The following PBX4 variants were observed in gnomAD, a reference collection of about 807,000 sequenced individuals.
The protein encoded by PBX4 is PBX homeobox 4, also known as pre-B-cell leukemia transcription factor 4.
Under a neutral mutation model 35.1 loss-of-function variants are expected in PBX4, and 26 were observed. The observed-to-expected ratio is 0.74, with a 90% CI of 0.54 to 1.03. The LOEUF (loss-of-function observed/expected upper bound fraction) is 1.03. Among genes scored for constraint, PBX4 ranks in the 50% least tolerant of loss-of-function variants. The pLI, the probability that PBX4 is intolerant of heterozygous loss-of-function variation, is 0.00. For missense variants in PBX4, 448 were observed against 504.3 expected, an observed-to-expected ratio of 0.89 and a Z score of 1.07; for synonymous variants, 199 against 204.2, an observed-to-expected ratio of 0.97 and a Z score of 0.22.
Position 19,594,106 on chromosome 19 carries a change from A to AAAAT in PBX4, c.193+5185_193+5186insATTT, listed in dbSNP as rs376246400. Among the ~76,000 whole-genome samples the AAAAT allele has an allele frequency of 9.6e-5, 14 of 145,256 alleles. 3 individuals carry two copies. The highest frequency in any genetic ancestry group is 6.6e-4 in the South Asian group (3 of 4,578). ...AATTAAAAAAAAAAAAAAATAAAAA[A>AAAAT]TAAAAAATTAAAAATGTCGCCGGGC... On this transcript the variant is annotated intron_variant, in intron 2 of 7. Coordinates refer to ENST00000251203, the MANE Select transcript of PBX4 (RefSeq NM_025245.3).
rs138378053 is a variant in PBX4 at position 19,604,438 on chromosome 19, G to A, written c.120-5073C>T. 2.9e-3 allele frequency among the ~76,000 whole-genome samples: 334 copies of A among 114,684 alleles called. 2 individuals are homozygous for A. Among genetic ancestry groups the A allele is most frequent in the Non-Finnish European group, 4.6e-3 (281 of 61,352 alleles). The allele number at this position is 114,684 out of a possible 152,430, so 75.2% of individuals were successfully genotyped here. On this transcript the variant is annotated intron_variant, in intron 1 of 7. Transcript: ENST00000251203. ...GACAAGATCACATCACTGCACTCCCGTCTGGGCAACAGAGCGAGATTCCAT... is the reference window on the plus strand; with the variant it reads ...GACAAGATCACATCACTGCACTCCCATCTGGGCAACAGAGCGAGATTCCAT...
chr19:19,585,261 G>T (rs1228545076), intron 2 of PBX4, among the ~76,000 whole-genome samples: 6 of 151,812 alleles, frequency 4.0e-5, no homozygotes, highest in Non-Finnish European at 7.4e-5. Context: ...GGAGGCAGAG[G>T]TTGAGGTGAG....
At chr19:19,579,002 C>T (rs982070184) in intron 2 of PBX4, among the ~76,000 whole-genome samples, 4 of 152,164 alleles carry the variant, frequency 2.6e-5, no homozygotes, top group South Asian at 2.1e-4. Context: ...CCAGCACCTT[C>T]GTCTGGGACT....
chr19:19,598,057 CAA>C (rs751079640), intron 2 of PBX4, among the ~76,000 whole-genome samples: 14 of 152,002 alleles, frequency 9.2e-5, no homozygotes, highest in Non-Finnish European at 2.9e-5. Context: ...CACAGGAGAC[CAA>C]AGAGACATGA....
At chr19:19,599,844 C>T (rs1568394851) in intron 1 of PBX4, among the ~76,000 whole-genome samples, 1 of 148,078 alleles carries the variant, frequency 6.8e-6, no homozygotes, top group Non-Finnish European at 1.5e-5. Flanking sequence ...ATGGTGGTGC[C>T]CACCTGTAAT....
At position 19,561,997 on chromosome 19, in the gene PBX4, A is replaced by C; in HGVS notation, c.*28T>G. On this transcript the variant is annotated 3_prime_UTR_variant, in exon 8 of 8. Coordinates refer to ENST00000251203, the MANE Select transcript of PBX4 (RefSeq NM_025245.3). ...GCTGGCGATACATGGCAGCTCACGC[A>C]GCGCTCTTTCCTGCTTATCCCCCAA... The C allele has an allele frequency of 6.3e-7, 1 of 1,582,094 alleles. No individual in the cohort carries two copies. Among genetic ancestry groups the C allele is most frequent in the Non-Finnish European group, 8.7e-7 (1 of 1,155,628 alleles).
intron 5 of PBX4, 94 bp from the exon 6 acceptor site, chr19:19,565,183 C>A: frequency 6.7e-7 from 1 of 1,489,638 alleles, no homozygotes; most frequent in Non-Finnish European, 9.3e-7. Context: ...GTTGCTCCCA[C>A]TGCCTTAGAA....
chr19:19,572,676 C>G (rs372495171), intron 2 of PBX4, among the ~76,000 whole-genome samples: 7 of 150,522 alleles, frequency 4.7e-5, no homozygotes, highest in African/African-American at 1.5e-4. Flanking sequence ...ACCAGCCCAG[C>G]CAACGTGGAG....
At chr19:19,615,795 C>T (rs1179112742) in intron 1 of PBX4, among the ~76,000 whole-genome samples, 1 of 152,106 alleles carries the variant, frequency 6.6e-6, no homozygotes, top group African/African-American at 2.4e-5. Flanking sequence ...GAAGCTGAGG[C>T]AGGAGAATCG....
intron 1 of PBX4, among the ~76,000 whole-genome samples, chr19:19,614,403 G>A (rs2061678024): frequency 6.6e-6 from 1 of 151,072 alleles, no homozygotes; most frequent in African/African-American, 2.4e-5. Context: ...AGAGGCCAAG[G>A]CGGGTAGATC....
chr19:19,599,072 G>A (rs960681032), intron 2 of PBX4, among the ~76,000 whole-genome samples: 2 of 151,960 alleles, frequency 1.3e-5, no homozygotes, highest in African/African-American at 4.8e-5. Context: ...AGGTTCAAGC[G>A]ATTCTCCTAC....
intron 1 of PBX4, among the ~76,000 whole-genome samples, chr19:19,610,843 G>A (rs140300913): frequency 3.9e-5 from 6 of 152,310 alleles, no homozygotes; most frequent in African/African-American, 9.6e-5. Context: ...GTCAAGCTAA[G>A]CCTGCAAGCA....
In PBX4 at chr19:19,565,051, T is replaced by A. The variant is rs1395916029; in HGVS notation, c.807A>T (p.Lys269Asn). The change falls in exon 6 of 8, where the codon AAA (lysine) becomes AAT (asparagine). Residue 269 changes from lysine to asparagine, a missense_variant. By Grantham distance (94) the Lys-to-Asn change is moderately conservative. Transcript: ENST00000251203. The part of the protein sequence containing the change: ...NWFGNKRIRY[K>N]KNMGKFQEEA... Reference sequence around the variant, plus strand: ...CTTCTTGAAACTTCCCCATGTTCTTTTTATACCGGATTCTTTTGTTGCCAA... The same window carrying A: ...CTTCTTGAAACTTCCCCATGTTCTTATTATACCGGATTCTTTTGTTGCCAA... 4 of 1,614,194 alleles carry A rather than the reference T, an allele frequency of 2.5e-6. No homozygotes were observed. Among genetic ancestry groups the A allele is most frequent in the Non-Finnish European group, 2.5e-6 (3 of 1,180,040 alleles).
chr19:19,615,265 T>G (rs1306943737), intron 1 of PBX4, among the ~76,000 whole-genome samples: 2 of 150,206 alleles, frequency 1.3e-5, no homozygotes, highest in Non-Finnish European at 2.9e-5. Flanking sequence ...GAAGATTGCT[T>G]GGGCCCAGAA....
chr19:19,564,742 A>G (rs558710120), intron 6 of PBX4, 191 bp downstream of exon 6: 458 of 695,206 alleles, frequency 6.6e-4, no homozygotes, highest in Non-Finnish European at 9.7e-4. Flanking sequence ...TCTGTCCCCA[A>G]AGCACAGGTA....
At chr19:19,574,264 A>G (rs781344168) in intron 2 of PBX4, among the ~76,000 whole-genome samples, 1 of 152,232 alleles carries the variant, frequency 6.6e-6, no homozygotes, top group South Asian at 2.1e-4. Context: ...AGGCTGAACT[A>G]TATCAGAGTG....
chr19:19,578,419 T>C (rs961893837), intron 2 of PBX4, among the ~76,000 whole-genome samples: 2 of 152,192 alleles, frequency 1.3e-5, no homozygotes, highest in South Asian at 4.2e-4. Context: ...TCATTAGACA[T>C]GCATTACCAT....
chr19:19,602,951 G>A (rs2061607145), intron 1 of PBX4, among the ~76,000 whole-genome samples: 1 of 152,094 alleles, frequency 6.6e-6, no homozygotes, highest in Admixed American at 6.6e-5. Flanking sequence ...CCAGGGCCAG[G>A]TACTGACCAA....
At chr19:19,613,329 G>T (rs748456715) in intron 1 of PBX4, among the ~76,000 whole-genome samples, 8 of 151,374 alleles carry the variant, frequency 5.3e-5, no homozygotes, top group Non-Finnish European at 8.8e-5. Context: ...TTAGCCGGGC[G>T]TGGTGGCAGG....
Sources: gnomAD v4.1 joint callset for allele counts (sites outside exome capture counted in the v4.1 genomes callset) on GRCh38, gnomAD v4.1.1 for gene constraint, MANE v1.5 for transcripts, NCBI Gene and HGNC (gene_info 2026-07-23, HGNC 2026-07-21) for gene names.